SSBP4: variants seen among roughly 807,000 people sequenced by gnomAD.
The protein encoded by SSBP4 is single-stranded DNA-binding protein 4.
Under a neutral mutation model 64.6 loss-of-function variants are expected in SSBP4, and 33 were observed. The observed-to-expected ratio is 0.51, with a 90% CI of 0.39 to 0.68. The LOEUF (loss-of-function observed/expected upper bound fraction) is 0.68, where lower values mean the gene tolerates loss of function less well. SSBP4 is among the 30% of genes least tolerant of loss of function. The probability of loss-of-function intolerance (pLI) is 0.00; values close to 1 mark genes in which losing one functional copy is unlikely to be tolerated. For synonymous variants in SSBP4, 243 were observed against 224.0 expected, an observed-to-expected ratio of 1.08 and a Z score of -0.76; for missense variants, 583 against 566.8, an observed-to-expected ratio of 1.03 and a Z score of -0.29.
In SSBP4 at chr19:18,427,491, G is replaced by A; in HGVS notation, c.132+68G>A. On this transcript the variant is annotated intron_variant, in intron 2 of 17. Coordinates refer to ENST00000270061, the MANE Select transcript of SSBP4 (RefSeq NM_032627.5). The surrounding 1 kb of genome is among the most constrained non-coding windows in gnomAD (Gnocchi z 4.4). The stretch of plus-strand genomic sequence containing the variant: ...CTCCGGGGGTCCTTCATTTCCACTG[G>A]GGATCCAGGGGGTGGGCCCGCGTTG... 6.4e-7 allele frequency: 1 copy of A among 1,559,650 alleles called. No individual in the cohort carries two copies. The highest frequency in any genetic ancestry group is 8.7e-7 in the Non-Finnish European group (1 of 1,150,002).
the SSBP4 span, among the ~76,000 whole-genome samples, chr19:18,412,894 T>C: frequency 1.3e-5 from 2 of 152,020 alleles, no homozygotes; most frequent in African/African-American, 2.4e-5. Flanking sequence ...GGCTCTGAGT[T>C]GAAGATTCAA....
intron 1 of SSBP4, 107 bp downstream of exon 1, chr19:18,419,814 G>A (rs1972302238): frequency 1.2e-6 from 1 of 819,150 alleles, no homozygotes; most frequent in African/African-American, 1.9e-5. Flanking sequence ...GGGAGCGCGA[G>A]CCTGAGCGCG....
At chr19:18,433,397 G>A (rs953748392) in intron 15 of SSBP4, 184 bp downstream of exon 15, 1 of 1,267,048 alleles carries the variant, frequency 7.9e-7, no homozygotes, top group Admixed American at 2.1e-5. Flanking sequence ...CAAACCAGAG[G>A]ATGCACTGAC....
chr19:18,431,028 A>T, intron 5 of SSBP4, 98 bp downstream of exon 5: 1 of 1,405,500 alleles, frequency 7.1e-7, no homozygotes, highest in South Asian at 1.2e-5. Flanking sequence ...TGAGGCCGGC[A>T]GGCTGGAGTT....
At chr19:18,417,800 G>A (rs1030186681), upstream of SSBP4, among the ~76,000 whole-genome samples, 1 of 152,106 alleles carries the variant, frequency 6.6e-6, no homozygotes, top group African/African-American at 2.4e-5. The surrounding 1 kb of genome is among the most constrained non-coding windows in gnomAD (Gnocchi z 5.4). Flanking sequence ...GCTGGGGCCG[G>A]TCCTGCCCTT....
rs1972266898 is a variant in SSBP4 at position 18,419,453 on chromosome 19, C to A, written c.-196C>A. ...GGAGGAAAAAAAGCCACCCTGCGGC[C>A]GGGGCCGGAGCTGGAGCCGCCGCTG... is the stretch of plus-strand genomic sequence containing the variant. On this transcript the variant is annotated 5_prime_UTR_variant, in exon 1 of 18. Coordinates refer to ENST00000270061, the MANE Select transcript of SSBP4 (RefSeq NM_032627.5). 4 of 1,062,116 alleles carry A rather than the reference C, an allele frequency of 3.8e-6. No homozygotes were observed. In the East Asian group the frequency reaches 2.2e-4, roughly 59 times the overall value. 65.8% of individuals were successfully genotyped at this position (1,062,116 alleles called of 1,614,324 possible).
At position 18,434,484 on chromosome 19, in the gene SSBP4, C is replaced by T. The variant is rs1973855951; in HGVS notation, c.*238C>T. The T allele has an allele frequency of 7.1e-6, 6 of 844,932 alleles. No homozygotes were observed. In the South Asian group the frequency reaches 1.3e-4, roughly 19 times the overall value. The allele number at this position is 844,932 out of a possible 1,614,324, so 52.3% of individuals were successfully genotyped here. ...TTGTATTTTGTCCCAGAGAGAAAGG[C>T]TCTTTGGGGGGCCCCTCTCCCCAGG... is the stretch of plus-strand genomic sequence containing the variant. On this transcript the variant is annotated 3_prime_UTR_variant, in exon 18 of 18. Transcript: ENST00000270061.
intron 1 of SSBP4, among the ~76,000 whole-genome samples, chr19:18,422,948 C>T (rs1478590480): frequency 6.6e-6 from 1 of 152,244 alleles, no homozygotes; most frequent in East Asian, 1.9e-4. Context: ...TCTGGCTGCC[C>T]TTGGAGCCTA....
the SSBP4 span, among the ~76,000 whole-genome samples, chr19:18,412,460 C>CAAAAA: frequency 2.7e-5 from 2 of 74,410 alleles, no homozygotes; most frequent in African/African-American, 4.9e-5. Flanking sequence ...GACTCCATCT[C>CAAAAA]AAAAAAAAAA....
upstream of SSBP4, among the ~76,000 whole-genome samples, chr19:18,414,842 T>C (rs185862280): frequency 1.1e-3 from 173 of 152,250 alleles, no homozygotes; most frequent in African/African-American, 3.6e-3. Context: ...GAAGTTCAGC[T>C]GTTTCCCGGT....
the SSBP4 span, among the ~76,000 whole-genome samples, chr19:18,404,769 G>A: frequency 2.7e-5 from 4 of 150,524 alleles, no homozygotes; most frequent in Non-Finnish European, 5.9e-5. Context: ...GTGGGTGTCT[G>A]TAGTCCCAGC....
At chr19:18,413,022 C>G in the SSBP4 span, among the ~76,000 whole-genome samples, 2 of 152,080 alleles carry the variant, frequency 1.3e-5, no homozygotes, top group Non-Finnish European at 2.9e-5. Flanking sequence ...CACCAACTGC[C>G]AACAGACATG....
intron 4 of SSBP4, among the ~76,000 whole-genome samples, chr19:18,429,398 C>G (rs561368858): frequency 6.6e-6 from 1 of 150,378 alleles, no homozygotes; most frequent in Admixed American, 6.6e-5. Context: ...CCGGGCCAAC[C>G]GCCGGGGAGG....
intron 17 of SSBP4, 141 bp from the exon 18 acceptor site, chr19:18,434,076 C>T: frequency 1.5e-6 from 2 of 1,351,254 alleles, no homozygotes; most frequent in Middle Eastern, 2.1e-4. Context: ...TGCATCGCCC[C>T]TCCCCCGTTC....
chr19:18,409,809 G>A, the SSBP4 span, among the ~76,000 whole-genome samples: 2 of 151,902 alleles, frequency 1.3e-5, no homozygotes, highest in Non-Finnish European at 2.9e-5. Context: ...ATGAGCCACC[G>A]TGCCTGGCCT....
At chr19:18,416,957 C>A (rs1297159056), upstream of SSBP4, among the ~76,000 whole-genome samples, 1 of 152,216 alleles carries the variant, frequency 6.6e-6, no homozygotes, top group East Asian at 1.9e-4. Flanking sequence ...AGCGCCCAGG[C>A]TGTGTTTGGA....
chr19:18,426,248 G>C lies in SSBP4; in HGVS notation c.60-1103G>C, dbSNP rs1009528964. On this transcript the variant is annotated intron_variant, in intron 1 of 17. Coordinates refer to ENST00000270061, the MANE Select transcript of SSBP4 (RefSeq NM_032627.5). The surrounding 1 kb of genome is among the most constrained non-coding windows in gnomAD (Gnocchi z 4.5). Reference sequence around the variant, plus strand: ...GTCAAAGGAAGGTTATTTTAGGATGGGGCCCGCAGCCAGAGAGGGCGGCGC... The same window carrying C: ...GTCAAAGGAAGGTTATTTTAGGATGCGGCCCGCAGCCAGAGAGGGCGGCGC... 2.6e-5 allele frequency among the ~76,000 whole-genome samples: 4 copies of C among 152,144 alleles called. No individual in the cohort carries two copies. The highest frequency in any genetic ancestry group is 9.7e-5 in the African/African-American group (4 of 41,418).
chr19:18,422,981 G>A (rs951142169), intron 1 of SSBP4, among the ~76,000 whole-genome samples: 1 of 152,220 alleles, frequency 6.6e-6, no homozygotes, highest in African/African-American at 2.4e-5. Context: ...GCTTACACTA[G>A]GTCTCGGCCA....
intron 1 of SSBP4, among the ~76,000 whole-genome samples, chr19:18,425,639 G>T (rs543837944): frequency 8.5e-5 from 13 of 152,302 alleles, no homozygotes; most frequent in African/African-American, 3.1e-4. Context: ...GCAGGTGTGG[G>T]AGACTGGAGG....
Sources: gnomAD v4.1 joint callset for allele counts (sites outside exome capture counted in the v4.1 genomes callset) on GRCh38, gnomAD v4.1.1 for gene constraint, Gnocchi (gnomAD v3.1) non-coding constraint, MANE v1.5 for transcripts, NCBI Gene and HGNC (gene_info 2026-07-23, HGNC 2026-07-21) for gene names.